Variants in POLR1A observed in about 807,000 individuals in gnomAD.
POLR1A encodes DNA-directed RNA polymerase I subunit RPA1.
In POLR1A, 84 loss-of-function variants were observed where a neutral mutation model predicts 205.3. That is an observed-to-expected ratio of 0.41 (90% CI 0.34 to 0.49). The LOEUF is 0.49. Among genes scored for constraint, POLR1A ranks in the 20% least tolerant of loss-of-function variants. POLR1A has a pLI of 0.22. For missense variants in POLR1A, 1,645 were observed against 2,204.5 expected (o/e 0.75, Z 5.08); for synonymous variants, 799 against 863.7 (o/e 0.93, Z 1.31).
chr2:86,055,935 A>G (rs1558771149), intron 14 of POLR1A, among the ~76,000 whole-genome samples: 1 of 152,228 alleles, frequency 6.6e-6, no homozygotes, highest in Non-Finnish European at 1.5e-5. Flanking sequence ...TAGCCAGGGC[A>G]GTTAGGCAAG....
chr2:86,046,661 T>C (rs929986365), intron 19 of POLR1A, among the ~76,000 whole-genome samples: 2 of 152,040 alleles, frequency 1.3e-5, no homozygotes, highest in African/African-American at 2.4e-5. Flanking sequence ...CTGGCCAACA[T>C]GGTGAAACCC....
chr2:86,100,636 T>C (rs1316535628), intron 1 of POLR1A, among the ~76,000 whole-genome samples: 1 of 151,816 alleles, frequency 6.6e-6, no homozygotes, highest in Non-Finnish European at 1.5e-5. Flanking sequence ...TGGGCTCCAG[T>C]GATCCTCCCA....
rs1672240930 is a variant in POLR1A at position 86,026,004 on chromosome 2, CA to C, written c.*1418del. On this transcript the variant is annotated 3_prime_UTR_variant, in exon 34 of 34. Coordinates refer to ENST00000263857, the MANE Select transcript of POLR1A (RefSeq NM_015425.6). ...GAGCAACATGGTCACTCTCCCTTGA[CA>C]AAGCCTCCCTTGATCCCCAACCCTA... 6.6e-6 allele frequency: 1 copy of C among 152,266 alleles called. No homozygotes were observed. The highest frequency in any genetic ancestry group is 1.5e-5 in the Non-Finnish European group (1 of 68,090). 9.4% of individuals were successfully genotyped at this position (152,266 alleles called of 1,614,324 possible).
At chr2:86,095,749 A>G (rs113139884) in intron 3 of POLR1A, among the ~76,000 whole-genome samples, 1,630 of 144,868 alleles carry the variant, frequency 0.011, 31 homozygotes, top group African/African-American at 0.039. Context: ...TTTTTTTGAG[A>G]TGGAGTCTTG....
At chr2:86,056,979 C>A (rs981530103) in intron 14 of POLR1A, among the ~76,000 whole-genome samples, 1 of 152,162 alleles carries the variant, frequency 6.6e-6, no homozygotes, top group Admixed American at 6.5e-5. Flanking sequence ...CTGCAGCCCA[C>A]GGATAAAGGA....
At chr2:86,103,486 A>G (rs962035610) in intron 1 of POLR1A, among the ~76,000 whole-genome samples, 1 of 152,246 alleles carries the variant, frequency 6.6e-6, no homozygotes, top group Non-Finnish European at 1.5e-5. Flanking sequence ...AAAAGGTGGC[A>G]GTATTATTGA....
intron 1 of POLR1A, among the ~76,000 whole-genome samples, chr2:86,100,640 C>A (rs1004931797): frequency 3.3e-5 from 5 of 151,766 alleles, no homozygotes; most frequent in African/African-American, 1.2e-4. Context: ...CTCCAGTGAT[C>A]CTCCCACCTC....
At chr2:86,079,282 G>C (rs962506604) in intron 9 of POLR1A, among the ~76,000 whole-genome samples, 12 of 152,186 alleles carry the variant, frequency 7.9e-5, no homozygotes, top group East Asian at 1.9e-4. Context: ...TCACCTGCAT[G>C]ATGACCGGGC....
chr2:86,038,939 G>C lies in POLR1A; in HGVS notation c.3877-82C>G. 4 of 1,292,722 alleles carry C rather than the reference G, an allele frequency of 3.1e-6. No homozygotes were observed. The South Asian group carries it at 4.9e-5, about 16-fold the overall frequency. 80.1% of individuals were successfully genotyped at this position (1,292,722 alleles called of 1,614,324 possible). On this transcript the variant is annotated intron_variant, in intron 26 of 33. Transcript: ENST00000263857. ...ATGTGAGTGGGTTACGAGACCCAAG[G>C]GTTTACAGAGATAGCAGCTGAGACC... is the stretch of plus-strand genomic sequence containing the variant.
Position 86,047,205 on chromosome 2 carries a change from A to T in POLR1A, c.2693T>A (p.Val898Glu). ...AGTTGAACCTTTGGCTCCCGACTGC[A>T]CCATCATCTGCAGGCTGTTCTCTGG... ...QFPENSLQMMVQSGAKGSTVN... is the reference protein window; with the variant it reads ...QFPENSLQMMEQSGAKGSTVN... The change falls in exon 19 of 34, where the codon GTG becomes GAG. Residue 898 changes from valine (V) to glutamate (E), a missense_variant. Physicochemically the swap from Val to Glu is moderately radical, Grantham distance 121. Coordinates refer to ENST00000263857, the MANE Select transcript of POLR1A (RefSeq NM_015425.6). The T allele has an allele frequency of 6.2e-7, 1 of 1,614,188 alleles. No individual in the cohort carries two copies. Among genetic ancestry groups the T allele is most frequent in the Non-Finnish European group, 8.5e-7 (1 of 1,180,018 alleles).
At chr2:86,102,387 T>C (rs1673836928) in intron 1 of POLR1A, among the ~76,000 whole-genome samples, 2 of 152,362 alleles carry the variant, frequency 1.3e-5, no homozygotes, top group South Asian at 4.1e-4. Context: ...ATGTTCAACA[T>C]CTTTTCACAT....
At chr2:86,034,883 A>G (rs148585955) in intron 27 of POLR1A, among the ~76,000 whole-genome samples, 131 of 151,508 alleles carry the variant, frequency 8.6e-4, no homozygotes, top group African/African-American at 2.9e-3. Context: ...AGTTCCCCCC[A>G]CCGTCCCGAG....
At chr2:86,048,348 C>T (rs1672742479) in intron 18 of POLR1A, among the ~76,000 whole-genome samples, 1 of 152,246 alleles carries the variant, frequency 6.6e-6, no homozygotes, top group African/African-American at 2.4e-5. Context: ...CAGGAACTGG[C>T]TTGGCATTGT....
At chr2:86,065,066 C>A (rs2104408540) in intron 14 of POLR1A, among the ~76,000 whole-genome samples, 2 of 152,234 alleles carry the variant, frequency 1.3e-5, no homozygotes, top group Middle Eastern at 3.4e-3. Flanking sequence ...TGAGCCACTG[C>A]ACCAGGCTAC....
rs1239987688 is a variant in POLR1A at position 86,062,860 on chromosome 2, C to CA, written c.2058+2413dup. Among the ~76,000 whole-genome samples the CA allele has an allele frequency of 8.5e-5, 13 of 152,220 alleles. No homozygotes were observed. In the Middle Eastern group the frequency reaches 0.01, roughly 119 times the overall value. On this transcript the variant is annotated intron_variant, in intron 14 of 33. Coordinates refer to ENST00000263857, the MANE Select transcript of POLR1A (RefSeq NM_015425.6). ...AGGAATGAGAGAAGTGACACCACTACAGGCAATACAGATAGAAAAGGTCAA... is the reference window on the plus strand; with the variant it reads ...AGGAATGAGAGAAGTGACACCACTACAAGGCAATACAGATAGAAAAGGTCAA...
At chr2:86,096,096 G>T (rs767991572) in intron 3 of POLR1A, among the ~76,000 whole-genome samples, 34 of 152,056 alleles carry the variant, frequency 2.2e-4, no homozygotes, top group Admixed American at 5.2e-4. Flanking sequence ...AACAAACTCA[G>T]TAAAGTTGCA....
rs1365104395 is a variant in POLR1A at position 86,054,307 on chromosome 2, A to G, written c.2059-18T>C. ...GACACAACCTGCAAAGAAAAAGAGG[A>G]CAAACTGATGGCAAAAAGAAAAGTG... On this transcript the variant is annotated intron_variant, in intron 14 of 33. Coordinates refer to ENST00000263857, the MANE Select transcript of POLR1A (RefSeq NM_015425.6). 6.2e-7 allele frequency: 1 copy of G among 1,611,138 alleles called. No individual in the cohort carries two copies. The highest frequency in any genetic ancestry group is 1.1e-5 in the South Asian group (1 of 90,896).
chr2:86,033,797 G>C lies in POLR1A; in HGVS notation c.4035-10C>G. The C allele has an allele frequency of 6.2e-7, 1 of 1,613,646 alleles. No homozygotes were observed. Among genetic ancestry groups the C allele is most frequent in the Non-Finnish European group, 8.5e-7 (1 of 1,179,926 alleles). On this transcript the variant is annotated splice_polypyrimidine_tract_variant and intron_variant, in intron 27 of 33. Transcript: ENST00000263857. ...CAGAAGTTTAAAGAATCTAAAACAA[G>C]AAGAAAGCCAAAAAGCCCTGTGCAG...
At chr2:86,054,681 A>G (rs1558770723) in intron 14 of POLR1A, among the ~76,000 whole-genome samples, 1 of 152,260 alleles carries the variant, frequency 6.6e-6, no homozygotes, top group Non-Finnish European at 1.5e-5. Flanking sequence ...GGAATTAATT[A>G]TAGCTACTGA....
Sources: allele counts gnomAD v4.1 joint callset (sites outside exome capture counted in the v4.1 genomes callset), GRCh38; gene constraint gnomAD v4.1.1; transcripts MANE v1.5; gene names NCBI Gene and HGNC (gene_info 2026-07-23, HGNC 2026-07-21).